The following CDAN1 variants were observed in gnomAD, a reference collection of about 807,000 sequenced individuals.
The protein encoded by CDAN1 is codanin-1.
In CDAN1, 107 loss-of-function variants were observed where a neutral mutation model predicts 139.8. The ratio of observed to expected loss-of-function variants is 0.77; its 90% CI spans 0.65 to 0.90. The LOEUF is 0.90. Among genes scored for constraint, CDAN1 ranks in the 40% least tolerant of loss-of-function variants. The pLI is 0.00. For missense variants in CDAN1, 1,667 were observed against 1,575.7 expected (o/e 1.06, Z -0.98); for synonymous variants, 776 against 660.6 (o/e 1.17, Z -2.68).
rs769901029 is a variant in CDAN1, at chr15:42,729,089, G to A, written c.2579C>T (p.Pro860Leu). 66 of 1,614,120 alleles carry A rather than the reference G, an allele frequency of 4.1e-5. No individual in the cohort carries two copies. Among genetic ancestry groups the A allele is most frequent in the Non-Finnish European group, 5.3e-5 (63 of 1,180,058 alleles). The change falls in exon 19 of 28, where the codon CCC (proline) becomes CTC (leucine). Residue 860 changes from proline to leucine, a missense_variant. Physicochemically the swap from Pro to Leu is moderately conservative, Grantham distance 98. Around this residue, in one of 3 missense-constraint regions of CDAN1, gnomAD observed 936 missense variants for 844.1 expected, o/e 1.11. Transcript: ENST00000356231. ...LAQAFFHNQP[P>L]SLRRTVEFVA... ...GAACTCTACGGTCCGGCGCAAGGAG[G>A]GCGGCTGGTTGTGGAAAAAGGCCTG...
In CDAN1 at chr15:42,730,137, C is replaced by T; in HGVS notation, c.2253G>A (p.Trp751Ter). 6.2e-7 allele frequency: 1 copy of T among 1,614,150 alleles called. No homozygotes were observed. Among genetic ancestry groups the T allele is most frequent in the Non-Finnish European group, 8.5e-7 (1 of 1,179,996 alleles). ...CCCTCACTCTGCCCACCTGGAAAAGCCAGCCCAGGACAGCAAGTAGCAGCA... is the reference window on the plus strand; with the variant it reads ...CCCTCACTCTGCCCACCTGGAAAAGTCAGCCCAGGACAGCAAGTAGCAGCA... Reference protein sequence around the residue: ...NKLLLLAVLGWLFQIPTVPED... With the variant: ...NKLLLLAVLG The change falls in exon 15 of 28, where the codon TGG (tryptophan) becomes TGA (stop). Residue 751 changes from tryptophan to a stop codon, truncating the protein, a stop_gained. Transcript: ENST00000356231. LOFTEE classifies it high-confidence loss of function.
chr15:42,733,079 C>G lies in CDAN1; in HGVS notation c.1457+18G>C. The G allele has an allele frequency of 6.2e-7, 1 of 1,612,354 alleles. No individual in the cohort carries two copies. Among genetic ancestry groups the G allele is most frequent in the Non-Finnish European group, 8.5e-7 (1 of 1,178,412 alleles). ...TACTCATTGCCAGGAACAAGAAAGA[C>G]AAGGTCTGAGCACCCACCTGATTCT... On this transcript the variant is annotated intron_variant, in intron 9 of 27. Coordinates refer to ENST00000356231, the MANE Select transcript of CDAN1 (RefSeq NM_138477.4).
At chr15:42,730,285 T>A in intron 14 of CDAN1, 70 bp from the exon 15 acceptor site, 1 of 1,412,694 alleles carries the variant, frequency 7.1e-7, no homozygotes. Context: ...ACGCCATCAG[T>A]GGAAACTGGC....
intron 17 of CDAN1, 95 bp downstream of exon 17, chr15:42,729,473 C>T (rs979837889): frequency 4.8e-5 from 76 of 1,599,168 alleles, no homozygotes; most frequent in Admixed American, 2.3e-4. Flanking sequence ...TGACTATGAA[C>T]GGAGCAATAT....
At chr15:42,734,687 TC>T (rs1303931827) in intron 6 of CDAN1, among the ~76,000 whole-genome samples, 4 of 151,380 alleles carry the variant, frequency 2.6e-5, no homozygotes, top group African/African-American at 9.7e-5. Context: ...TGGCGTGATC[TC>T]ACTACAGCCT....
At position 42,724,371 on chromosome 15, in the gene CDAN1, C is replaced by A; in HGVS notation, c.*120G>T. On this transcript the variant is annotated 3_prime_UTR_variant, in exon 28 of 28. Transcript: ENST00000356231. ...CAGTGACACCCTTAGAGCAGGAAGT[C>A]TGACTGTAGACCCAGCTACACCCCA... The A allele has an allele frequency of 7.4e-7, 1 of 1,352,536 alleles. No homozygotes were observed. The highest frequency in any genetic ancestry group is 1.0e-6 in the Non-Finnish European group (1 of 981,248). The allele number at this position is 1,352,536 out of a possible 1,614,324, so 83.8% of individuals were successfully genotyped here.
In CDAN1 at chr15:42,728,615, A is replaced by C. The variant is rs533382887; in HGVS notation, c.2804+37T>G. ...GAGGAAAGAAAGGACAGAGAAAGCC[A>C]AGAGGAGAGTGGATCAAATGGACCA... On this transcript the variant is annotated intron_variant, in intron 20 of 27. Coordinates refer to ENST00000356231, the MANE Select transcript of CDAN1 (RefSeq NM_138477.4). The C allele has an allele frequency of 6.8e-6, 11 of 1,612,794 alleles. No homozygotes were observed. The African/African-American group carries it at 1.5e-4, about 22-fold the overall frequency.
rs547440410 is a variant in CDAN1 at position 42,728,020 on chromosome 15, G to A, written c.2882C>T (p.Ala961Val). 1 of 1,613,736 alleles carries A rather than the reference G, an allele frequency of 6.2e-7. No homozygotes were observed. The highest frequency in any genetic ancestry group is 1.3e-5 in the African/African-American group (1 of 74,938). The stretch of plus-strand genomic sequence containing the variant: ...TGCAAGCCCCACAGCAATGTTCTCT[G>A]CACTGCTCAGAACCTGCGAAACAGA... ...EETPAAVLSS[A>V]ENIAVGLATE... The change falls in exon 22 of 28, where the codon GCA (alanine) becomes GTA (valine). Residue 961 changes from alanine to valine, a missense_variant. Transcript: ENST00000356231.
chr15:42,728,556 AAG>A, intron 20 of CDAN1, 94 bp downstream of exon 20: 1 of 1,519,910 alleles, frequency 6.6e-7, no homozygotes, highest in Non-Finnish European at 9.1e-7. Context: ...AGGAGGCATG[AAG>A]AGAAGAAAGG....
rs747078178 is a variant in CDAN1, at chr15:42,730,186, C to T, written c.2204G>A (p.Gly735Glu). 1 of 1,614,174 alleles carries T rather than the reference C, an allele frequency of 6.2e-7. No homozygotes were observed. The highest frequency in any genetic ancestry group is 1.1e-5 in the South Asian group (1 of 91,082). ...CAGCTTGTTCAGGAAACACATCTTC[C>T]CCTCACTCTCCTGCGACAACACCAA... ...RSLVLSQESEGKMCFLNKLLL... is the reference protein window; with the variant it reads ...RSLVLSQESEEKMCFLNKLLL... The change falls in exon 15 of 28, where the codon GGG becomes GAG. Residue 735 changes from glycine (G) to glutamate (E), a missense_variant. By Grantham distance (98) the Gly-to-Glu change is moderately conservative. Coordinates refer to ENST00000356231, the MANE Select transcript of CDAN1 (RefSeq NM_138477.4).
chr15:42,733,073 G>T, intron 9 of CDAN1, 24 bp downstream of exon 9: 1 of 1,609,830 alleles, frequency 6.2e-7, no homozygotes, highest in Non-Finnish European at 8.5e-7. Flanking sequence ...CCAGGAACAA[G>T]AAAGACAAGG....
chr15:42,732,610 A>T (rs28592162), intron 9 of CDAN1, among the ~76,000 whole-genome samples: 2 of 152,276 alleles, frequency 1.3e-5, no homozygotes, highest in East Asian at 3.9e-4. Context: ...GGTGCACTTA[A>T]CCAAACAAGA....
rs1011181753 is a variant in CDAN1 at position 42,735,630 on chromosome 15, A to G, written c.823T>C (p.Leu275=). 1.9e-6 allele frequency: 3 copies of G among 1,613,894 alleles called. No individual in the cohort carries two copies. Among genetic ancestry groups the G allele is most frequent in the Admixed American group, 1.7e-5 (1 of 60,008 alleles). Reference sequence around the variant, plus strand: ...GTCCGGCTGGGGAGGGGCGACCCCAATTCTGGGGTGGGACAGGTGGGGGTA... The same window carrying G: ...GTCCGGCTGGGGAGGGGCGACCCCAGTTCTGGGGTGGGACAGGTGGGGGTA... ...SPTPTCPTPE[L]GSPLPSRTGS... The change falls in exon 4 of 28, where the codon TTG becomes CTG. Residue 275 remains leucine (L), a synonymous_variant. Transcript: ENST00000356231.
chr15:42,730,078 C>A, intron 15 of CDAN1, 50 bp downstream of exon 15: 1 of 1,537,176 alleles, frequency 6.5e-7, no homozygotes, highest in Non-Finnish European at 9.0e-7. Context: ...GCCCACTCCC[C>A]ATCTTCAGCT....
Position 42,731,678 on chromosome 15 carries a change from G to T in CDAN1, c.1681C>A (p.Pro561Thr), listed in dbSNP as rs751652343. The change falls in exon 11 of 28, where the codon CCC becomes ACC. Residue 561 changes from proline (P) to threonine (T), a missense_variant. Pro to Thr is a conservative substitution (Grantham distance 38). Coordinates refer to ENST00000356231, the MANE Select transcript of CDAN1 (RefSeq NM_138477.4). ...CCTTGACAGCCTGGGAAGGTGGGGG[G>T]TGGGCAGGGCCCCCCACTGCTCTGA... ...APQSSGGPCP[P>T]PTFPGCQGFF... 6.2e-7 allele frequency: 1 copy of T among 1,614,160 alleles called. No homozygotes were observed. The highest frequency in any genetic ancestry group is 2.2e-5 in the East Asian group (1 of 44,872).
intron 7 of CDAN1, 48 bp from the exon 8 acceptor site, chr15:42,734,095 A>T (rs778358048): frequency 6.3e-7 from 1 of 1,595,632 alleles, no homozygotes; most frequent in Admixed American, 1.7e-5. Flanking sequence ...TGCTGAGAAA[A>T]CTTCTCCCTC....
At chr15:42,729,922 A>ACGGGGC in intron 15 of CDAN1, 37 bp from the exon 16 acceptor site, 8 of 1,512,970 alleles carry the variant, frequency 5.3e-6, no homozygotes, top group Non-Finnish European at 4.5e-6. Context: ...AACTTCAGAG[A>ACGGGGC]CCCCCACCCA....
At chr15:42,726,182 AAG>A (rs2061524533) in intron 24 of CDAN1, 22 bp from the exon 25 acceptor site, 1 of 1,613,550 alleles carries the variant, frequency 6.2e-7, no homozygotes, top group Non-Finnish European at 8.5e-7. Context: ...GTGGGGGGGA[AAG>A]AGAGACCATA....
chr15:42,731,303 T>C lies in CDAN1; in HGVS notation c.1768A>G (p.Ser590Gly). The change falls in exon 12 of 28, where the codon AGT becomes GGT. Residue 590 changes from serine to glycine, a missense_variant. Ser to Gly is a moderately conservative substitution (Grantham distance 56). This residue lies in a region of CDAN1 where 936 missense variants were observed against 844.1 expected (regional missense o/e 1.11). Coordinates refer to ENST00000356231, the MANE Select transcript of CDAN1 (RefSeq NM_138477.4). ...SFQFNQHLMD[S>G]LSLKIQELNG... ...AGCTCCTGGATCTTCAAGCTCAGAC[T>C]GTCCATGAGATGCTGGTTAAACTGG... 1 of 1,614,138 alleles carries C rather than the reference T, an allele frequency of 6.2e-7. No individual in the cohort carries two copies. The highest frequency in any genetic ancestry group is 8.5e-7 in the Non-Finnish European group (1 of 1,180,020).
Sources: gnomAD v4.1 joint callset for allele counts (sites outside exome capture counted in the v4.1 genomes callset) on GRCh38, gnomAD v4.1.1 for gene constraint, gnomAD v4.1.1 regional missense constraint, MANE v1.5 for transcripts, NCBI Gene and HGNC (gene_info 2026-07-23, HGNC 2026-07-21) for gene names.